The following MYO5B variants were observed in gnomAD, a reference collection of about 807,000 sequenced individuals.
MYO5B encodes the protein unconventional myosin-Vb.
Under a neutral mutation model 229.3 loss-of-function variants are expected in MYO5B, and 143 were observed. That is an observed-to-expected ratio of 0.62 (90% CI 0.54 to 0.72). MYO5B has a LOEUF of 0.72. Ranked by LOEUF, MYO5B falls within the 30% of genes least tolerant of loss-of-function variation. The pLI is 0.00. For missense variants in MYO5B, 2,321 were observed against 2,331.0 expected, an observed-to-expected ratio of 1.00 and a Z score of 0.09; for synonymous variants, 918 against 885.2, an observed-to-expected ratio of 1.04 and a Z score of -0.66.
At chr18:49,899,600 C>A (rs868726142) in intron 21 of MYO5B, among the ~76,000 whole-genome samples, 16 of 152,248 alleles carry the variant, frequency 1.1e-4, no homozygotes, top group African/African-American at 3.9e-4. Flanking sequence ...AGGTTTCAAT[C>A]CCAGCCATGC....
chr18:49,876,956 C>A (rs3132920), intron 25 of MYO5B, among the ~76,000 whole-genome samples: 1 of 152,240 alleles, frequency 6.6e-6, no homozygotes, highest in Admixed American at 6.5e-5. Flanking sequence ...TAACTGCTCA[C>A]TGACTAGCTC....
At chr18:49,933,746 C>T (rs904136347) in intron 16 of MYO5B, among the ~76,000 whole-genome samples, 1 of 152,212 alleles carries the variant, frequency 6.6e-6, no homozygotes, top group Admixed American at 6.5e-5. Flanking sequence ...TGAGGCTGAG[C>T]AACTCCGATT....
At chr18:49,913,706 T>A (rs2024982497) in intron 17 of MYO5B, among the ~76,000 whole-genome samples, 1 of 152,134 alleles carries the variant, frequency 6.6e-6, no homozygotes, top group Non-Finnish European at 1.5e-5. Flanking sequence ...TAAATGAGGA[T>A]GGGCATTCCT....
At position 49,964,524 on chromosome 18, in the gene MYO5B, C is replaced by T. The variant is rs1598916331; in HGVS notation, c.1323-1494G>A. On this transcript the variant is annotated intron_variant, in intron 10 of 39. Transcript: ENST00000285039. ...GGTCAGCCTCCAGTGTTCTCCCCATCTGGTCCTGCCCCTCTTTACTGGGAG... is the reference window on the plus strand; with the variant it reads ...GGTCAGCCTCCAGTGTTCTCCCCATTTGGTCCTGCCCCTCTTTACTGGGAG... Among the ~76,000 whole-genome samples, 3 of 152,344 alleles carry T rather than the reference C, an allele frequency of 2.0e-5. No homozygotes were observed. The East Asian group carries it at 5.8e-4, about 29-fold the overall frequency.
In MYO5B at chr18:49,859,851, G is replaced by A. The variant is rs372886289; in HGVS notation, c.3945-2961C>T. 2.0e-4 allele frequency among the ~76,000 whole-genome samples: 31 copies of A among 152,316 alleles called. No individual in the cohort carries two copies. The South Asian group carries it at 2.7e-3, about 13-fold the overall frequency. On this transcript the variant is annotated intron_variant, in intron 29 of 39. Transcript: ENST00000285039. ...CTTCCCGCCTTCTTTGCCATTCTGA[G>A]CAAGGCAGCCCACAGCAGCCGAGGC...
chr18:50,035,853 T>C (rs1397186523), intron 4 of MYO5B, among the ~76,000 whole-genome samples: 2 of 152,236 alleles, frequency 1.3e-5, no homozygotes, highest in South Asian at 2.1e-4. Flanking sequence ...TGAGTATCTA[T>C]AATGAAGCAG....
chr18:50,077,794 T>C (rs2031123634), intron 1 of MYO5B, among the ~76,000 whole-genome samples: 1 of 152,198 alleles, frequency 6.6e-6, no homozygotes, highest in Admixed American at 6.5e-5. Flanking sequence ...GGCTCTCTGC[T>C]GCTCACTTGC....
At chr18:49,834,839 C>T (rs1005889461) in intron 39 of MYO5B, among the ~76,000 whole-genome samples, 2 of 152,110 alleles carry the variant, frequency 1.3e-5, no homozygotes, top group Admixed American at 6.5e-5. Context: ...CGGGTTTCAC[C>T]GTGTTAGCCA....
At chr18:50,177,044 GA>G (rs1443879243) in intron 1 of MYO5B, among the ~76,000 whole-genome samples, 1 of 152,138 alleles carries the variant, frequency 6.6e-6, no homozygotes, top group African/African-American at 2.4e-5. Flanking sequence ...ATTGAGCTTT[GA>G]AAAAATTTCA....
At chr18:50,161,844 A>T (rs1201917032) in intron 1 of MYO5B, among the ~76,000 whole-genome samples, 1 of 152,248 alleles carries the variant, frequency 6.6e-6, no homozygotes, top group African/African-American at 2.4e-5. Flanking sequence ...GCCAAAGCAA[A>T]GGCAGAGGGA....
intron 16 of MYO5B, 50 bp downstream of exon 16, chr18:49,936,202 C>T (rs1220608794): frequency 6.7e-7 from 1 of 1,495,594 alleles, no homozygotes; most frequent in African/African-American, 1.4e-5. Flanking sequence ...CCTGTTCCAC[C>T]TGAACCTCTA....
At chr18:50,153,266 C>T (rs1003102777) in intron 1 of MYO5B, among the ~76,000 whole-genome samples, 6 of 152,090 alleles carry the variant, frequency 3.9e-5, no homozygotes, top group Admixed American at 6.5e-5. Flanking sequence ...TTCTAAAAGG[C>T]ATAAGACTTC....
Position 49,962,989 on chromosome 18 carries a change from A to ATACAGAACT in MYO5B, c.1355_1363dup (p.Cys454_Ile455insLysPheCys). 1.2e-6 allele frequency: 2 copies of ATACAGAACT among 1,614,088 alleles called. No homozygotes were observed. Among genetic ancestry groups the ATACAGAACT allele is most frequent in the Middle Eastern group, 1.7e-4 (1 of 6,060 alleles). On this transcript the variant is annotated inframe_insertion, in exon 11 of 40. Coordinates refer to ENST00000285039, the MANE Select transcript of MYO5B (RefSeq NM_001080467.3). The stretch of plus-strand genomic sequence containing the variant: ...CTGGAGCTTTTCATTTGCATAGTTG[A>ATACAGAACT]TACAGAACTGCTCAAAGCTGTTTAC...
chr18:49,938,495 T>C (rs775703684), intron 14 of MYO5B, among the ~76,000 whole-genome samples: 7 of 152,242 alleles, frequency 4.6e-5, no homozygotes, highest in East Asian at 1.9e-4. Context: ...TTCACTAACC[T>C]TGAGCAATTC....
At chr18:50,057,780 C>T (rs375761983) in intron 1 of MYO5B, among the ~76,000 whole-genome samples, 1 of 152,300 alleles carries the variant, frequency 6.6e-6, no homozygotes, top group East Asian at 1.9e-4. Flanking sequence ...TAGCTCCTTG[C>T]TCCTCCAGGT....
intron 1 of MYO5B, among the ~76,000 whole-genome samples, chr18:50,125,995 C>T (rs1392814701): frequency 2.0e-5 from 3 of 151,946 alleles, no homozygotes; most frequent in Non-Finnish European, 2.9e-5. Flanking sequence ...CCAGGGGCTG[C>T]GAGGAAGGGG....
chr18:50,033,245 T>C (rs1239725448), intron 4 of MYO5B, among the ~76,000 whole-genome samples: 1 of 152,162 alleles, frequency 6.6e-6, no homozygotes, highest in Non-Finnish European at 1.5e-5. Flanking sequence ...TGATGCCTTT[T>C]GACGCCCCAC....
chr18:49,947,145 A>G (rs537634207), intron 14 of MYO5B, among the ~76,000 whole-genome samples: 14 of 126,036 alleles, frequency 1.1e-4, no homozygotes, highest in African/African-American at 4.3e-4. Flanking sequence ...TCACTCTGTC[A>G]CCCAGGCTGG....
chr18:50,008,906 T>C (rs946278928), intron 4 of MYO5B, among the ~76,000 whole-genome samples: 4 of 152,142 alleles, frequency 2.6e-5, no homozygotes, highest in African/African-American at 9.7e-5. Flanking sequence ...AAAACACAGA[T>C]CACCGACAAT....
Sources: gnomAD v4.1 joint callset for allele counts (sites outside exome capture counted in the v4.1 genomes callset) on GRCh38, gnomAD v4.1.1 for gene constraint, MANE v1.5 for transcripts, NCBI Gene and HGNC (gene_info 2026-07-23, HGNC 2026-07-21) for gene names.